Variants in AXDND1 observed in about 807,000 individuals in gnomAD.
The protein encoded by AXDND1 is axonemal dynein light chain domain containing 1.
AXDND1 carries 110 observed loss-of-function variants against 137.5 expected under a neutral mutation model. That is an observed-to-expected ratio of 0.80 (90% CI 0.69 to 0.94). The LOEUF (loss-of-function observed/expected upper bound fraction) is 0.94, where lower values mean the gene tolerates loss of function less well. Among genes scored for constraint, AXDND1 ranks in the 40% least tolerant of loss-of-function variants. The pLI, the probability that AXDND1 is intolerant of heterozygous loss-of-function variation, is 0.00. For missense variants in AXDND1, 1,191 were observed against 1,169.8 expected (o/e 1.02, Z -0.26); for synonymous variants, 414 against 399.7 (o/e 1.04, Z -0.43).
chr1:179,381,668 CATTTCTTCTGTATGATCATT>C (rs1648349877), intron 6 of AXDND1, among the ~76,000 whole-genome samples: 1 of 152,020 alleles, frequency 6.6e-6, no homozygotes, highest in African/African-American at 2.4e-5. Flanking sequence ...AAAATTTCAT[CATTTCTTCTGTATGATCATT>C]ATTTCTTCTG....
At chr1:179,541,908 G>A (rs1672204390) in intron 25 of AXDND1, among the ~76,000 whole-genome samples, 1 of 152,096 alleles carries the variant, frequency 6.6e-6, no homozygotes, top group Non-Finnish European at 1.5e-5. Flanking sequence ...TTAAAATGGT[G>A]TTTAAAGGAG....
chr1:179,526,000 A>G (rs1261378949), intron 22 of AXDND1, among the ~76,000 whole-genome samples: 1 of 151,994 alleles, frequency 6.6e-6, no homozygotes, highest in Non-Finnish European at 1.5e-5. Context: ...AAATCCAGCC[A>G]TTTCCCATTA....
At chr1:179,536,840 A>G (rs942229729) in intron 25 of AXDND1, among the ~76,000 whole-genome samples, 19 of 152,346 alleles carry the variant, frequency 1.2e-4, no homozygotes, top group Non-Finnish European at 4.4e-5. Context: ...CTTCCTATCC[A>G]TGAGCATGGA....
At chr1:179,424,021 G>A (rs903399844) in intron 12 of AXDND1, among the ~76,000 whole-genome samples, 2 of 151,910 alleles carry the variant, frequency 1.3e-5, no homozygotes, top group South Asian at 4.2e-4. Flanking sequence ...AGCATTTCTT[G>A]TAAGAGAGGT....
chr1:179,366,728 C>A, intron 2 of AXDND1, 122 bp downstream of exon 2: 1 of 784,742 alleles, frequency 1.3e-6, no homozygotes, highest in Non-Finnish European at 2.1e-6. Context: ...TTTTCTAACA[C>A]ACTTGCTTAA....
Position 179,382,739 on chromosome 1 carries a change from A to G in AXDND1, c.621A>G (p.Leu207=). The G allele has an allele frequency of 6.3e-7, 1 of 1,599,236 alleles. No homozygotes were observed. The highest frequency in any genetic ancestry group is 1.1e-5 in the South Asian group (1 of 90,618). ...TTLLTDSENR[L]LLFPSMKPNK... ...TCCTCACAGATAGTGAAAACAGGCTATTGCTCTTCCCATCCATGTAAGTAC... is the reference window on the plus strand; with the variant it reads ...TCCTCACAGATAGTGAAAACAGGCTGTTGCTCTTCCCATCCATGTAAGTAC... The change falls in exon 7 of 26, where the codon CTA becomes CTG. Residue 207 remains leucine (L), a synonymous_variant. Coordinates refer to ENST00000367618, the MANE Select transcript of AXDND1 (RefSeq NM_144696.6).
At chr1:179,473,053 T>C (rs2125499210) in intron 17 of AXDND1, among the ~76,000 whole-genome samples, 1 of 152,138 alleles carries the variant, frequency 6.6e-6, no homozygotes, top group Non-Finnish European at 1.5e-5. Flanking sequence ...CTGCTTGTTT[T>C]GTTTCATGAC....
At chr1:179,536,243 G>T (rs4565662) in intron 25 of AXDND1, among the ~76,000 whole-genome samples, 133,027 of 151,896 alleles carry the variant, frequency 0.88, 58,410 homozygotes, top group East Asian at 0.96. Flanking sequence ...CTTTTGGCTT[G>T]TGTTGCTATT....
intron 8 of AXDND1, among the ~76,000 whole-genome samples, chr1:179,384,203 C>A (rs533600884): frequency 4.5e-4 from 68 of 152,266 alleles, no homozygotes; most frequent in African/African-American, 1.6e-3. Flanking sequence ...TACCCGGATT[C>A]TCCATCTGGT....
At chr1:179,391,782 C>T (rs567245112) in intron 9 of AXDND1, among the ~76,000 whole-genome samples, 1 of 152,262 alleles carries the variant, frequency 6.6e-6, no homozygotes, top group Non-Finnish European at 1.5e-5. Context: ...AGGTGATTCA[C>T]CTGTCTCAGC....
Position 179,506,963 on chromosome 1 carries a change from G to A in AXDND1, c.2389-2333G>A, listed in dbSNP as rs956317246. 4.4e-6 allele frequency: 4 copies of A among 914,546 alleles called. No individual in the cohort carries two copies. In the African/African-American group the frequency reaches 7.2e-5, roughly 16 times the overall value. 56.7% of individuals were successfully genotyped at this position (914,546 alleles called of 1,614,324 possible). A position where few individuals can be genotyped will look rare whatever the true frequency, so the allele number is the denominator to read the frequency against. ...CCCCAGCTTTCCTTCCTTATGGGGG[G>A]ATCTGTGGATCATGGATTCTTAATA... On this transcript the variant is annotated intron_variant, in intron 20 of 25. Transcript: ENST00000367618.
At chr1:179,505,749 C>T (rs539042651) in intron 20 of AXDND1, among the ~76,000 whole-genome samples, 1 of 152,212 alleles carries the variant, frequency 6.6e-6, no homozygotes, top group South Asian at 2.1e-4. Flanking sequence ...ATTCTTACTC[C>T]ACTTTCCATA....
intron 5 of AXDND1, 119 bp downstream of exon 5, chr1:179,378,876 A>G: frequency 1.3e-6 from 1 of 784,708 alleles, no homozygotes; most frequent in Non-Finnish European, 1.7e-6. Context: ...AACAACCTGC[A>G]TTGCTCACCA....
In AXDND1 at chr1:179,435,876, T is replaced by G. The variant is rs190780366; in HGVS notation, c.1563+3534T>G. On this transcript the variant is annotated intron_variant, in intron 15 of 25. Coordinates refer to ENST00000367618, the MANE Select transcript of AXDND1 (RefSeq NM_144696.6). ...ACTAAAGACCTTTTGCATAGCAAAA[T>G]AAACTATCATCAGAGTGAACAGGCA... Among the ~76,000 whole-genome samples, 802 of 151,902 alleles carry G rather than the reference T, an allele frequency of 5.3e-3. 9 individuals carry two copies. The highest frequency in any genetic ancestry group is 0.019 in the African/African-American group (778 of 41,394).
intron 6 of AXDND1, among the ~76,000 whole-genome samples, chr1:179,381,943 A>AATTTTTTTTT (rs768004608): frequency 3.8e-5 from 4 of 105,428 alleles, no homozygotes; most frequent in African/African-American, 1.5e-4. Flanking sequence ...ACCACACCTA[A>AATTTTTTTTT]TTTTTTTTTT....
intron 18 of AXDND1, among the ~76,000 whole-genome samples, chr1:179,489,905 C>T (rs113146988): frequency 0.094 from 14,232 of 151,964 alleles, 947 homozygotes; most frequent in African/African-American, 0.18. Flanking sequence ...CCACCCCGCC[C>T]GACTAATTTT....
chr1:179,379,678 C>T (rs529964690), intron 6 of AXDND1, among the ~76,000 whole-genome samples, 196 bp downstream of exon 6: 295 of 151,536 alleles, frequency 1.9e-3, no homozygotes, highest in Non-Finnish European at 1.9e-3. Context: ...TGCCTGTAAT[C>T]CCAGCTACTG....
rs776402429 is a variant in AXDND1 at position 179,483,135 on chromosome 1, C to T, written c.2005C>T (p.Gln669Ter). 6.3e-7 allele frequency: 1 copy of T among 1,593,568 alleles called. No individual in the cohort carries two copies. The highest frequency in any genetic ancestry group is 1.1e-5 in the South Asian group (1 of 87,120). ...ACTTGATTTTTCCTTCAGGGTACTC[C>T]AAGCGTATATATTTAACATGATTCA... Reference protein sequence around the residue: ...HIDVDSVSVLQAYIFNMIQQW... With the variant: ...HIDVDSVSVL The change falls in exon 18 of 26, where the codon CAA becomes TAA. Residue 669 changes from glutamine (Q) to a stop codon, truncating the protein, a stop_gained. Coordinates refer to ENST00000367618, the MANE Select transcript of AXDND1 (RefSeq NM_144696.6). LOFTEE classifies it high-confidence loss of function.
chr1:179,503,923 C>T (rs1006777632), intron 20 of AXDND1, among the ~76,000 whole-genome samples: 7 of 152,118 alleles, frequency 4.6e-5, no homozygotes, highest in African/African-American at 1.7e-4. Flanking sequence ...AAAGTATTCC[C>T]ATTTTATTTC....
Sources: gnomAD v4.1 joint callset for allele counts (sites outside exome capture counted in the v4.1 genomes callset) on GRCh38, gnomAD v4.1.1 for gene constraint, MANE v1.5 for transcripts, NCBI Gene and HGNC (gene_info 2026-07-23, HGNC 2026-07-21) for gene names.